The following NRG1 variants were observed in gnomAD, a reference collection of about 807,000 sequenced individuals.
NRG1 encodes the protein neuregulin 1, also known as pro-neuregulin-1, membrane-bound isoform.
NRG1 carries 18 observed loss-of-function variants against 63.8 expected under a neutral mutation model. The ratio of observed to expected loss-of-function variants is 0.28; its 90% CI spans 0.19 to 0.42. The LOEUF is 0.42. Ranked by LOEUF, NRG1 falls within the 10% of genes least tolerant of loss-of-function variation. The pLI is 1.00. For synonymous variants in NRG1, 302 were observed against 301.3 expected (o/e 1.00, Z -0.02); for missense variants, 762 against 814.7 (o/e 0.94, Z 0.79).
chr8:32,648,140 T>C lies in NRG1; in HGVS notation c.502+31255T>C, dbSNP rs1429786681. Reference sequence around the variant, plus strand: ...TGTGGGTGTCGTCTGAGGCATACACTTCACCTGTCTCTAGGGCTCAATCTG... The same window carrying C: ...TGTGGGTGTCGTCTGAGGCATACACCTCACCTGTCTCTAGGGCTCAATCTG... On this transcript the variant is annotated intron_variant, in intron 5 of 11. Coordinates refer to ENST00000356819, the Ensembl canonical transcript of NRG1. The C allele has an allele frequency of 3.1e-6, 5 of 1,614,024 alleles. No homozygotes were observed. The African/African-American group carries it at 5.3e-5, about 17-fold the overall frequency.
chr8:31,955,730 T>G (rs1292764464), intron 1 of NRG1, among the ~76,000 whole-genome samples: 2 of 151,990 alleles, frequency 1.3e-5, no homozygotes, highest in Non-Finnish European at 2.9e-5. Flanking sequence ...GAGGGTGATT[T>G]TTTTTAAATT....
At chr8:32,678,598 C>G (rs1417238702) in intron 5 of NRG1, among the ~76,000 whole-genome samples, 1 of 152,104 alleles carries the variant, frequency 6.6e-6, no homozygotes, top group African/African-American at 2.4e-5. Flanking sequence ...TCATTATATA[C>G]AAGGCTTTTG....
At chr8:31,662,252 G>C (rs1316442259) in intron 1 of NRG1, among the ~76,000 whole-genome samples, 1 of 152,144 alleles carries the variant, frequency 6.6e-6, no homozygotes, top group Non-Finnish European at 1.5e-5. Context: ...GCTGTAAGTA[G>C]CATTTGTGCA....
intron 1 of NRG1, among the ~76,000 whole-genome samples, chr8:32,037,734 T>C (rs1169079534): frequency 6.6e-5 from 10 of 152,166 alleles, no homozygotes; most frequent in Admixed American, 6.5e-4. Flanking sequence ...TGCTGCGCTG[T>C]GGGGAATTGC....
At chr8:32,231,923 T>C (rs1846998563) in intron 1 of NRG1, among the ~76,000 whole-genome samples, 1 of 151,444 alleles carries the variant, frequency 6.6e-6, no homozygotes, top group Non-Finnish European at 1.5e-5. Flanking sequence ...AAATTAAAGT[T>C]ATTTTTCTTT....
At chr8:32,472,558 G>A (rs1227689182) in intron 1 of NRG1, among the ~76,000 whole-genome samples, 1 of 152,178 alleles carries the variant, frequency 6.6e-6, no homozygotes, top group East Asian at 1.9e-4. Flanking sequence ...TGCAGTTTTT[G>A]TCACAGAAGT....
intron 1 of NRG1, among the ~76,000 whole-genome samples, chr8:32,042,418 C>T (rs548742042): frequency 6.6e-6 from 1 of 152,026 alleles, no homozygotes; most frequent in African/African-American, 2.4e-5. Flanking sequence ...TGCACTCCAG[C>T]TTGGGTGATA....
At chr8:31,827,941 A>T (rs1302026402) in intron 1 of NRG1, among the ~76,000 whole-genome samples, 1 of 152,224 alleles carries the variant, frequency 6.6e-6, no homozygotes, top group Non-Finnish European at 1.5e-5. Flanking sequence ...TCAGGGTTTA[A>T]AGAAATGAGG....
intron 6 of NRG1, among the ~76,000 whole-genome samples, chr8:32,732,275 T>C (rs938271650): frequency 2.6e-5 from 4 of 152,236 alleles, no homozygotes; most frequent in African/African-American, 9.6e-5. Context: ...TGATGCTTTA[T>C]GTAGTCCTGT....
chr8:32,012,141 A>T (rs1481864224), intron 1 of NRG1, among the ~76,000 whole-genome samples: 1 of 151,962 alleles, frequency 6.6e-6, no homozygotes, highest in Non-Finnish European at 1.5e-5. Context: ...AAGCAAGCAA[A>T]CCCCTCTTTG....
At chr8:32,616,021 A>G (rs921363565) in intron 4 of NRG1, among the ~76,000 whole-genome samples, 3 of 152,130 alleles carry the variant, frequency 2.0e-5, no homozygotes, top group Non-Finnish European at 4.4e-5. Context: ...ATCTTGGGAA[A>G]TTGACTATAA....
rs1239000704 is a variant in NRG1, at chr8:32,530,433, C to T, written c.38-65395C>T. Among the ~76,000 whole-genome samples, 5 of 152,142 alleles carry T rather than the reference C, an allele frequency of 3.3e-5. No individual in the cohort carries two copies. The East Asian group carries it at 9.7e-4, about 29-fold the overall frequency. On this transcript the variant is annotated intron_variant, in intron 1 of 10. Coordinates refer to the NRG1 transcript ENST00000519301. ...GCTCCATTATAATCTTATGGGACCA[C>T]TGTCATATATGTGGTCCACGGTTTA...
chr8:31,915,085 A>G (rs1833269933), intron 1 of NRG1, among the ~76,000 whole-genome samples: 1 of 151,748 alleles, frequency 6.6e-6, no homozygotes, highest in Non-Finnish European at 1.5e-5. Flanking sequence ...TTTTTTTACA[A>G]AGTAGCTTAA....
At chr8:31,675,965 T>A (rs554352253) in intron 1 of NRG1, among the ~76,000 whole-genome samples, 1 of 152,270 alleles carries the variant, frequency 6.6e-6, no homozygotes, top group East Asian at 1.9e-4. Context: ...TTTAAGAAAA[T>A]CATATATGTC....
chr8:31,778,901 A>C (rs964458945), intron 1 of NRG1, among the ~76,000 whole-genome samples: 1 of 152,210 alleles, frequency 6.6e-6, no homozygotes, highest in Non-Finnish European at 1.5e-5. Flanking sequence ...TTGCAGATTT[A>C]TGGGTTGGAA....
At chr8:31,946,987 CT>C (rs1329839659) in intron 1 of NRG1, among the ~76,000 whole-genome samples, 1 of 152,304 alleles carries the variant, frequency 6.6e-6, no homozygotes, top group African/African-American at 2.4e-5. Context: ...TCAAACAGTA[CT>C]TTGTGTTTTT....
At chr8:32,577,779 CATCT>C (rs952326001) in intron 1 of NRG1, among the ~76,000 whole-genome samples, 2 of 151,624 alleles carry the variant, frequency 1.3e-5, no homozygotes, top group Non-Finnish European at 2.9e-5. Context: ...CTTCTTTATC[CATCT>C]CTCTCTTTTT....
chr8:32,458,597 C>T (rs1472026743), intron 1 of NRG1, among the ~76,000 whole-genome samples: 1 of 152,126 alleles, frequency 6.6e-6, no homozygotes, highest in Non-Finnish European at 1.5e-5. Flanking sequence ...TGAATTTTGA[C>T]ATGATATTTT....
At chr8:32,092,098 G>T (rs1261630615) in intron 1 of NRG1, among the ~76,000 whole-genome samples, 2 of 152,038 alleles carry the variant, frequency 1.3e-5, no homozygotes, top group Non-Finnish European at 2.9e-5. Flanking sequence ...AAAAATATAT[G>T]TTATTTCACA....
Sources: allele counts gnomAD v4.1 joint callset (sites outside exome capture counted in the v4.1 genomes callset), GRCh38; gene constraint gnomAD v4.1.1; transcripts MANE v1.5; gene names NCBI Gene and HGNC (gene_info 2026-07-23, HGNC 2026-07-21).